Variants in GINS1 observed in about 807,000 individuals in gnomAD.
The protein encoded by GINS1 is DNA replication complex GINS protein PSF1.
In GINS1, 26 loss-of-function variants were observed where a neutral mutation model predicts 34.9. That is an observed-to-expected ratio of 0.74 (90% confidence interval 0.55 to 1.03). The LOEUF is 1.03. GINS1 is among the 50% of genes least tolerant of loss of function. The pLI is 0.00. For synonymous variants in GINS1, 97 were observed against 84.4 expected (o/e 1.15, Z -0.82); for missense variants, 235 against 237.9 (o/e 0.99, Z 0.08).
intron 5 of GINS1, among the ~76,000 whole-genome samples, chr20:25,440,810 C>CAA (rs60014594): frequency 0.024 from 1,662 of 68,462 alleles, 58 homozygotes; most frequent in African/African-American, 0.06. Flanking sequence ...GACTCTGTCT[C>CAA]AAAAAAAAAA....
chr20:25,434,261 C>T lies in GINS1; in HGVS notation c.448-7441C>T, dbSNP rs779667510. 6.6e-5 allele frequency among the ~76,000 whole-genome samples: 10 copies of T among 150,952 alleles called. No individual in the cohort carries two copies. In the South Asian group the frequency reaches 8.4e-4, roughly 13 times the overall value. On this transcript the variant is annotated intron_variant, in intron 5 of 6. Transcript: ENST00000262460. ...TCGCACCATTGCACTCCAGCCTGGG[C>T]GACAGAATGAGTCTCCACACCTCCC...
At chr20:25,414,252 C>T (rs151141645) in intron 2 of GINS1, among the ~76,000 whole-genome samples, 3 of 148,436 alleles carry the variant, frequency 2.0e-5, no homozygotes, top group East Asian at 2.0e-4. Context: ...TTTTGGGATG[C>T]GATTTTTAAA....
intron 5 of GINS1, among the ~76,000 whole-genome samples, chr20:25,438,194 C>T (rs2090464129): frequency 6.6e-6 from 1 of 151,636 alleles, no homozygotes; most frequent in Admixed American, 6.6e-5. Context: ...AGCCAATTAG[C>T]CATGAGTGTC....
intron 5 of GINS1, among the ~76,000 whole-genome samples, chr20:25,429,205 G>C (rs1288431357): frequency 2.0e-5 from 3 of 151,798 alleles, no homozygotes; most frequent in Admixed American, 6.6e-5. Context: ...GGCTAGGCTG[G>C]TCTCGAACTC....
chr20:25,437,979 C>T (rs1259611378), intron 5 of GINS1, among the ~76,000 whole-genome samples: 1 of 151,766 alleles, frequency 6.6e-6, no homozygotes, highest in Non-Finnish European at 1.5e-5. Context: ...TTTAGCCAGG[C>T]GTGGTGGCGG....
intron 5 of GINS1, among the ~76,000 whole-genome samples, chr20:25,433,421 T>A: frequency 6.6e-6 from 1 of 152,334 alleles, no homozygotes; most frequent in Middle Eastern, 3.4e-3. Context: ...GGTATTTGAA[T>A]AGTACCTAGG....
intron 6 of GINS1, among the ~76,000 whole-genome samples, chr20:25,445,653 T>C (rs1445549481): frequency 6.6e-6 from 1 of 152,124 alleles, no homozygotes; most frequent in Non-Finnish European, 1.5e-5. Context: ...GGGCCAACTT[T>C]GTATTTTTTA....
chr20:25,432,224 T>A (rs2090431010), intron 5 of GINS1, among the ~76,000 whole-genome samples: 1 of 152,150 alleles, frequency 6.6e-6, no homozygotes, highest in Admixed American at 6.5e-5. Context: ...AACTATAAAT[T>A]TCTCAGTACT....
chr20:25,440,752 A>AGTGC (rs2090477278), intron 5 of GINS1, among the ~76,000 whole-genome samples: 1 of 143,018 alleles, frequency 7.0e-6, no homozygotes, highest in Admixed American at 7.2e-5. Flanking sequence ...CAGAGGTTGT[A>AGTGC]GTGCGTGGAG....
intron 1 of GINS1, 44 bp downstream of exon 1, chr20:25,407,939 C>G (rs752948354): frequency 5.5e-5 from 81 of 1,461,896 alleles, no homozygotes; most frequent in Non-Finnish European, 7.7e-6. Flanking sequence ...GGCGTTGGGC[C>G]CTGGGCTCTG....
intron 5 of GINS1, among the ~76,000 whole-genome samples, chr20:25,438,060 A>C (rs1175162539): frequency 6.7e-6 from 1 of 149,222 alleles, no homozygotes; most frequent in East Asian, 2.0e-4. Flanking sequence ...AGGAGGTTGC[A>C]GTGAGCTGAG....
intron 5 of GINS1, among the ~76,000 whole-genome samples, chr20:25,431,406 A>C (rs62211469): frequency 1.3e-4 from 20 of 151,788 alleles, no homozygotes; most frequent in African/African-American, 4.8e-4. Context: ...CATTTTATTA[A>C]TGTCTGCTCT....
At chr20:25,426,502 C>T (rs2090391781) in intron 5 of GINS1, among the ~76,000 whole-genome samples, 1 of 151,812 alleles carries the variant, frequency 6.6e-6, no homozygotes, top group African/African-American at 2.4e-5. Flanking sequence ...TTGCGGTGAG[C>T]TGAGATTGCA....
intron 1 of GINS1, chr20:25,409,000 A>G (rs2146181049): frequency 2.0e-6 from 2 of 985,044 alleles, no homozygotes; most frequent in South Asian, 9.4e-5. Flanking sequence ...GAGAAACACC[A>G]GTATGAGCTG....
At chr20:25,407,982 C>A in intron 1 of GINS1, 87 bp downstream of exon 1, 2 of 957,454 alleles carry the variant, frequency 2.1e-6, no homozygotes, top group Non-Finnish European at 3.3e-6. Context: ...GGTTCACTTT[C>A]GCACCTTGTT....
At chr20:25,442,820 G>C (rs1311784052) in intron 6 of GINS1, among the ~76,000 whole-genome samples, 1 of 151,438 alleles carries the variant, frequency 6.6e-6, no homozygotes, top group Non-Finnish European at 1.5e-5. Flanking sequence ...TGGCCAGGCT[G>C]GTCTTGAACT....
chr20:25,434,216 G>C (rs930464656), intron 5 of GINS1, among the ~76,000 whole-genome samples: 9 of 151,858 alleles, frequency 5.9e-5, no homozygotes, highest in Non-Finnish European at 1.3e-4. Flanking sequence ...CCAGGAGGTG[G>C]GGATTGCAGT....
At chr20:25,439,927 G>C (rs1010612523) in intron 5 of GINS1, among the ~76,000 whole-genome samples, 1 of 151,356 alleles carries the variant, frequency 6.6e-6, no homozygotes, top group African/African-American at 2.4e-5. Context: ...CCTGGGAAGC[G>C]GAGGTTCCAG....
At chr20:25,421,047 T>TTACC in intron 4 of GINS1, 1 of 751,720 alleles carries the variant, frequency 1.3e-6, no homozygotes. Flanking sequence ...GGTATCTGTA[T>TTACC]TACCCAAGGA....
Sources: gnomAD v4.1 joint callset for allele counts (sites outside exome capture counted in the v4.1 genomes callset) on GRCh38, gnomAD v4.1.1 for gene constraint, MANE v1.5 for transcripts, NCBI Gene and HGNC (gene_info 2026-07-23, HGNC 2026-07-21) for gene names.